Variants in DOCK4 observed in about 807,000 individuals in gnomAD.
DOCK4 encodes the protein dedicator of cytokinesis 4.
Under a neutral mutation model 268.1 loss-of-function variants are expected in DOCK4, and 97 were observed. The ratio of observed to expected loss-of-function variants is 0.36; its 90% CI spans 0.31 to 0.43. The LOEUF (loss-of-function observed/expected upper bound fraction) is 0.43, where lower values mean the gene tolerates loss of function less well. Ranked by LOEUF, DOCK4 falls within the 20% of genes least tolerant of loss-of-function variation. The pLI, the probability that DOCK4 is intolerant of heterozygous loss-of-function variation, is 1.00. For synonymous variants in DOCK4, 954 were observed against 887.2 expected, an observed-to-expected ratio of 1.08 and a Z score of -1.34; for missense variants, 2,145 against 2,455.7, an observed-to-expected ratio of 0.87 and a Z score of 2.67.
At chr7:112,047,924 C>G (rs1804968368) in intron 1 of DOCK4, among the ~76,000 whole-genome samples, 1 of 152,106 alleles carries the variant, frequency 6.6e-6, no homozygotes, top group Non-Finnish European at 1.5e-5. Context: ...CGCCTGGCCT[C>G]AAGGGATCCT....
chr7:111,834,547 C>T, intron 26 of DOCK4, 41 bp downstream of exon 26: 1 of 1,432,628 alleles, frequency 7.0e-7, no homozygotes, highest in Non-Finnish European at 9.5e-7. Context: ...AAGATAAACC[C>T]AAAAGATATG....
chr7:111,880,569 G>A (rs565494309), intron 16 of DOCK4, among the ~76,000 whole-genome samples: 9 of 152,276 alleles, frequency 5.9e-5, no homozygotes, highest in South Asian at 2.1e-4. Context: ...GTATAATGCC[G>A]TAATTGTGGT....
At chr7:112,184,132 G>A (rs911423390) in intron 1 of DOCK4, among the ~76,000 whole-genome samples, 7 of 152,146 alleles carry the variant, frequency 4.6e-5, no homozygotes, top group Non-Finnish European at 1.0e-4. Flanking sequence ...CCCTGCACGT[G>A]CCTAATGCAC....
chr7:111,730,991 T>C (rs1224546445), intron 52 of DOCK4, among the ~76,000 whole-genome samples: 1 of 152,172 alleles, frequency 6.6e-6, no homozygotes, highest in Non-Finnish European at 1.5e-5. Flanking sequence ...CAGATGATAA[T>C]TCCATAGCAA....
At chr7:112,000,614 G>C in intron 2 of DOCK4, 80 bp from the exon 3 acceptor site, 1 of 1,098,384 alleles carries the variant, frequency 9.1e-7, no homozygotes. Context: ...TCTGTTCTTT[G>C]CCGATGGAAT....
At chr7:112,076,532 T>C (rs1345742333) in intron 1 of DOCK4, among the ~76,000 whole-genome samples, 1 of 152,126 alleles carries the variant, frequency 6.6e-6, no homozygotes, top group Non-Finnish European at 1.5e-5. Context: ...AATTCCACCC[T>C]AAGGCCCACT....
At chr7:111,823,508 G>A (rs897378210) in intron 26 of DOCK4, among the ~76,000 whole-genome samples, 9 of 151,940 alleles carry the variant, frequency 5.9e-5, no homozygotes, top group South Asian at 4.2e-4. Context: ...AGGCCTGGCC[G>A]GTATATTGCT....
intron 40 of DOCK4, 55 bp from the exon 41 acceptor site, chr7:111,758,845 G>C: frequency 6.4e-7 from 1 of 1,560,570 alleles, no homozygotes; most frequent in South Asian, 1.1e-5. Context: ...ATGGAAGTCT[G>C]GCTTGGGCTG....
At chr7:111,892,934 G>GT (rs1445150317) in intron 16 of DOCK4, among the ~76,000 whole-genome samples, 1 of 152,174 alleles carries the variant, frequency 6.6e-6, no homozygotes, top group African/African-American at 2.4e-5. Flanking sequence ...GCTACTTGGG[G>GT]TTTTTTCTGT....
chr7:111,844,320 T>C (rs1803927686), intron 25 of DOCK4, among the ~76,000 whole-genome samples: 1 of 152,158 alleles, frequency 6.6e-6, no homozygotes, highest in Non-Finnish European at 1.5e-5. Flanking sequence ...TCTCATTTCC[T>C]AGCTAAGAAA....
chr7:111,888,560 AG>A (rs1461580414), intron 16 of DOCK4, among the ~76,000 whole-genome samples: 1 of 152,044 alleles, frequency 6.6e-6, no homozygotes, highest in Non-Finnish European at 1.5e-5. Flanking sequence ...AATACAGCCT[AG>A]GGTGTGGCCA....
At chr7:112,075,379 C>T (rs1026383710) in intron 1 of DOCK4, among the ~76,000 whole-genome samples, 1 of 152,136 alleles carries the variant, frequency 6.6e-6, no homozygotes, top group Non-Finnish European at 1.5e-5. Context: ...CATGCAATTC[C>T]CTGCTTTGGA....
intron 46 of DOCK4, 91 bp downstream of exon 46, chr7:111,741,449 T>C (rs1795909970): frequency 6.5e-7 from 1 of 1,534,244 alleles, no homozygotes; most frequent in Non-Finnish European, 8.8e-7. Flanking sequence ...AATAGCGTAT[T>C]TGACAAATTG....
chr7:112,128,445 G>C (rs533841489), intron 1 of DOCK4, among the ~76,000 whole-genome samples: 4 of 152,192 alleles, frequency 2.6e-5, no homozygotes, highest in Non-Finnish European at 4.4e-5. Context: ...GAACGGGCCA[G>C]GATGACAATG....
intron 16 of DOCK4, among the ~76,000 whole-genome samples, chr7:111,878,403 C>T (rs35537713): frequency 2.0e-5 from 3 of 152,084 alleles, no homozygotes; most frequent in African/African-American, 7.2e-5. Flanking sequence ...GAATAGAAGC[C>T]TACACTGCTC....
chr7:112,096,572 T>A (rs1189934386), intron 1 of DOCK4, among the ~76,000 whole-genome samples: 1 of 152,230 alleles, frequency 6.6e-6, no homozygotes, highest in African/African-American at 2.4e-5. Context: ...ACGATCAAGT[T>A]TCACTTATTT....
chr7:112,130,403 G>A (rs1813693722), intron 1 of DOCK4, among the ~76,000 whole-genome samples: 2 of 152,140 alleles, frequency 1.3e-5, no homozygotes, highest in South Asian at 4.1e-4. Flanking sequence ...ATTTTAAGAT[G>A]CCTACATTAT....
At chr7:111,991,736 C>A (rs1235647889) in intron 5 of DOCK4, among the ~76,000 whole-genome samples, 2 of 151,560 alleles carry the variant, frequency 1.3e-5, no homozygotes, top group African/African-American at 4.8e-5. Flanking sequence ...CCGAAGTGGG[C>A]GGATCATGAG....
At chr7:112,136,174 T>C (rs1302666837) in intron 1 of DOCK4, among the ~76,000 whole-genome samples, 3 of 152,030 alleles carry the variant, frequency 2.0e-5, no homozygotes, top group Non-Finnish European at 2.9e-5. Context: ...CTGAAGACAA[T>C]AAAAACAAAA....
Sources: allele counts gnomAD v4.1 joint callset (sites outside exome capture counted in the v4.1 genomes callset), GRCh38; gene constraint gnomAD v4.1.1; transcripts MANE v1.5; gene names NCBI Gene and HGNC (gene_info 2026-07-23, HGNC 2026-07-21).